ATAD2: variants seen among roughly 807,000 people sequenced by gnomAD.
The protein encoded by ATAD2 is ATPase family AAA domain containing 2, also known as ATPase family AAA domain-containing protein 2.
Under a neutral mutation model 168.9 loss-of-function variants are expected in ATAD2, and 62 were observed. The ratio of observed to expected loss-of-function variants is 0.37; its 90% CI spans 0.30 to 0.45. The LOEUF is 0.45. ATAD2 is among the 20% of genes least tolerant of loss of function. The pLI, the probability that ATAD2 is intolerant of heterozygous loss-of-function variation, is 1.00. For missense variants in ATAD2, 1,419 were observed against 1,667.8 expected, an observed-to-expected ratio of 0.85 and a Z score of 2.60; for synonymous variants, 613 against 571.6, an observed-to-expected ratio of 1.07 and a Z score of -1.03.
Position 123,371,199 on chromosome 8 carries a change from A to T in ATAD2, c.639+37T>A, listed in dbSNP as rs759578913. 3 of 1,496,166 alleles carry T rather than the reference A, an allele frequency of 2.0e-6. No individual in the cohort carries two copies. The Admixed American group carries it at 6.0e-5, about 30-fold the overall frequency. The allele number at this position is 1,496,166 out of a possible 1,614,324, so 92.7% of individuals were successfully genotyped here. On this transcript the variant is annotated intron_variant, in intron 5 of 27. Coordinates refer to ENST00000287394, the MANE Select transcript of ATAD2 (RefSeq NM_014109.4). ...AGGTACTATAAAAAAATTAAACTGG[A>T]TATTAAATCATTCCCTTAATGGAAG... is the stretch of plus-strand genomic sequence containing the variant.
intron 8 of ATAD2, among the ~76,000 whole-genome samples, chr8:123,364,781 T>C (rs537763489): frequency 9.9e-4 from 150 of 152,182 alleles, no homozygotes; most frequent in African/African-American, 3.5e-3. Context: ...CACTTCAATG[T>C]AATAAAAGCC....
Position 123,348,493 on chromosome 8 carries a change from A to G in ATAD2, c.1807-220T>C, listed in dbSNP as rs140542065. On this transcript the variant is annotated intron_variant, in intron 14 of 27. Transcript: ENST00000287394. The stretch of plus-strand genomic sequence containing the variant: ...GAAGTTCAAGACCAGCCTGGCCAAC[A>G]TGGTGAAAACCACTCTCTACTAAAA... Among the ~76,000 whole-genome samples the G allele has an allele frequency of 3.9e-3, 593 of 152,296 alleles. 6 individuals carry two copies. Among genetic ancestry groups the G allele is most frequent in the African/African-American group, 0.014 (562 of 41,556 alleles).
intron 8 of ATAD2, among the ~76,000 whole-genome samples, chr8:123,366,079 A>C (rs1373772563): frequency 6.6e-6 from 1 of 151,930 alleles, no homozygotes; most frequent in Non-Finnish European, 1.5e-5. Context: ...TAGCAAGAAA[A>C]AAACAATCCC....
At chr8:123,333,532 TG>T (rs1384260149) in intron 24 of ATAD2, among the ~76,000 whole-genome samples, 1 of 151,482 alleles carries the variant, frequency 6.6e-6, no homozygotes, top group Non-Finnish European at 1.5e-5. Context: ...GAACAAAAAT[TG>T]GAATTAGAAG....
At chr8:123,322,327 T>C (rs1827490729) in intron 27 of ATAD2, among the ~76,000 whole-genome samples, 1 of 152,320 alleles carries the variant, frequency 6.6e-6, no homozygotes, top group Middle Eastern at 3.4e-3. Context: ...CATTAATACA[T>C]ACACACAAAA....
intron 24 of ATAD2, among the ~76,000 whole-genome samples, chr8:123,331,807 A>G (rs1202037930): frequency 1.3e-5 from 2 of 152,198 alleles, no homozygotes; most frequent in African/African-American, 4.8e-5. Context: ...TTTTACTGCA[A>G]TAAGCAATTT....
chr8:123,405,322 C>A (rs936487315), intron 1 of ATAD2, among the ~76,000 whole-genome samples: 1 of 150,260 alleles, frequency 6.7e-6, no homozygotes, highest in Non-Finnish European at 1.5e-5. Flanking sequence ...AATGGTGCGA[C>A]CTCAGCTCAC....
intron 22 of ATAD2, among the ~76,000 whole-genome samples, chr8:123,335,319 T>C (rs1360544082): frequency 1.3e-5 from 2 of 152,174 alleles, no homozygotes; most frequent in Non-Finnish European, 2.9e-5. Context: ...TTCCTACTGC[T>C]TGACTCCAGA....
At chr8:123,403,394 C>G (rs1352387530) in intron 1 of ATAD2, among the ~76,000 whole-genome samples, 1 of 151,692 alleles carries the variant, frequency 6.6e-6, no homozygotes, top group African/African-American at 2.4e-5. Context: ...GCCACTGCGC[C>G]CAGCCAGGAG....
upstream of ATAD2, chr8:123,396,590 G>A (rs1812849978): frequency 7.3e-6 from 4 of 545,942 alleles, no homozygotes; most frequent in South Asian, 7.2e-5. Context: ...GGCCAACGTG[G>A]AGAGGAACAC....
intron 9 of ATAD2, 146 bp from the exon 10 acceptor site, chr8:123,359,831 A>AT (rs1364616984): frequency 6.4e-5 from 38 of 593,626 alleles, no homozygotes; most frequent in Non-Finnish European, 1.0e-4. Context: ...TAATTTCCTC[A>AT]TTTTCTGTAA....
chr8:123,344,693 T>C lies in ATAD2; in HGVS notation c.2718+191A>G, dbSNP rs1299659325. 4.1e-5 allele frequency: 25 copies of C among 607,124 alleles called. No homozygotes were observed. The East Asian group carries it at 7.2e-4, about 18-fold the overall frequency. The allele number at this position is 607,124 out of a possible 1,614,324, so 37.6% of individuals were successfully genotyped here. ...AAAAAATTTATGTATCCTTAATATATACATACACATATACATATACCATCT... is the reference window on the plus strand; with the variant it reads ...AAAAAATTTATGTATCCTTAATATACACATACACATATACATATACCATCT... On this transcript the variant is annotated intron_variant, in intron 19 of 27. Transcript: ENST00000287394.
intron 9 of ATAD2, 115 bp from the exon 10 acceptor site, chr8:123,359,800 G>T: frequency 1.4e-6 from 1 of 689,828 alleles, no homozygotes; most frequent in Non-Finnish European, 2.4e-6. Context: ...TTCAACCGGA[G>T]CAATCTTAAG....
intron 22 of ATAD2, among the ~76,000 whole-genome samples, chr8:123,336,042 T>G (rs967646329): frequency 3.3e-5 from 5 of 152,178 alleles, no homozygotes; most frequent in African/African-American, 1.2e-4. Flanking sequence ...AGTGCCTACT[T>G]TTCCACTTTG....
intron 1 of ATAD2, among the ~76,000 whole-genome samples, chr8:123,413,548 A>C (rs1813195518): frequency 6.6e-6 from 1 of 152,160 alleles, no homozygotes; most frequent in African/African-American, 2.4e-5. Flanking sequence ...TACTTATCCA[A>C]GGTCACTCAG....
intron 9 of ATAD2, among the ~76,000 whole-genome samples, chr8:123,360,679 T>TCAGA (rs1250650746): frequency 5.9e-5 from 9 of 151,846 alleles, no homozygotes; most frequent in Non-Finnish European, 8.8e-5. Flanking sequence ...TAGCTTCTAC[T>TCAGA]CTAGTCTCAG....
In ATAD2 at chr8:123,369,915, ATCT is replaced by A. The variant is rs755157322; in HGVS notation, c.834_836del (p.Glu278del). On this transcript the variant is annotated inframe_deletion, in exon 7 of 28. Transcript: ENST00000287394. ...CTTCTCCATCTTCTTCATCTTCATC[ATCT>A]TCATCATCATCATCATCATCATCAT... 118 of 1,583,310 alleles carry A rather than the reference ATCT, an allele frequency of 7.5e-5. No homozygotes were observed. The highest frequency in any genetic ancestry group is 6.5e-4 in the East Asian group (29 of 44,606).
At chr8:123,409,885 G>A (rs954674496) in intron 1 of ATAD2, among the ~76,000 whole-genome samples, 4 of 143,664 alleles carry the variant, frequency 2.8e-5, no homozygotes, top group African/African-American at 5.2e-5. Flanking sequence ...GCAGTGAGCC[G>A]AGATTGCACC....
At chr8:123,391,596 A>G (rs1379608205) in intron 1 of ATAD2, among the ~76,000 whole-genome samples, 1 of 152,150 alleles carries the variant, frequency 6.6e-6, no homozygotes, top group Non-Finnish European at 1.5e-5. Context: ...AGCCTAGCCT[A>G]AGAAATGCTC....
Sources: allele counts gnomAD v4.1 joint callset (sites outside exome capture counted in the v4.1 genomes callset), GRCh38; gene constraint gnomAD v4.1.1; transcripts MANE v1.5; gene names NCBI Gene and HGNC (gene_info 2026-07-23, HGNC 2026-07-21).